The following GRID1 variants were observed in gnomAD, a reference collection of about 807,000 sequenced individuals.
GRID1 encodes glutamate ionotropic receptor delta type subunit 1.
Under a neutral mutation model 98.0 loss-of-function variants are expected in GRID1, and 28 were observed. The ratio of observed to expected loss-of-function variants is 0.29; its 90% CI spans 0.21 to 0.39. The LOEUF (loss-of-function observed/expected upper bound fraction) is 0.39. Among genes scored for constraint, GRID1 ranks in the 10% least tolerant of loss-of-function variants. GRID1 has a pLI of 1.00. For synonymous variants in GRID1, 553 were observed against 538.5 expected, an observed-to-expected ratio of 1.03 and a Z score of -0.37; for missense variants, 1,111 against 1,340.5, an observed-to-expected ratio of 0.83 and a Z score of 2.67.
At chr10:85,736,008 AAGG>A (rs1471226771) in intron 8 of GRID1, among the ~76,000 whole-genome samples, 2 of 133,088 alleles carry the variant, frequency 1.5e-5, no homozygotes, top group African/African-American at 2.8e-5. Flanking sequence ...CAAGGGAAGG[AAGG>A]AGGGAGGGAG....
intron 12 of GRID1, among the ~76,000 whole-genome samples, chr10:85,651,007 C>A (rs1843261669): frequency 6.6e-6 from 1 of 152,136 alleles, no homozygotes. Flanking sequence ...AAATGCAAAT[C>A]CTTGGGCCCC....
At chr10:85,637,278 G>A (rs1843056767) in intron 13 of GRID1, among the ~76,000 whole-genome samples, 2 of 152,122 alleles carry the variant, frequency 1.3e-5, no homozygotes, top group Admixed American at 1.3e-4. Context: ...TTTCTTAATG[G>A]GAACTTATTG....
At chr10:85,838,731 C>A (rs763696874) in intron 8 of GRID1, among the ~76,000 whole-genome samples, 4 of 152,150 alleles carry the variant, frequency 2.6e-5, no homozygotes, top group Non-Finnish European at 5.9e-5. Context: ...TATAAAGCAA[C>A]CACACAAACA....
chr10:85,933,813 C>T (rs1841890513), intron 4 of GRID1, among the ~76,000 whole-genome samples: 1 of 152,178 alleles, frequency 6.6e-6, no homozygotes. Flanking sequence ...CCATCAGTAA[C>T]CTCGGGATTG....
chr10:86,289,500 G>A (rs1021051839), intron 2 of GRID1, among the ~76,000 whole-genome samples: 3 of 151,826 alleles, frequency 2.0e-5, no homozygotes, highest in Non-Finnish European at 2.9e-5. Context: ...GCTGCCTCTC[G>A]GTGGCCCAGC....
chr10:85,850,785 C>T (rs987159494), intron 8 of GRID1, among the ~76,000 whole-genome samples: 1 of 152,198 alleles, frequency 6.6e-6, no homozygotes, highest in Non-Finnish European at 1.5e-5. Context: ...CCCCTCCATC[C>T]AACAATTAGG....
intron 2 of GRID1, among the ~76,000 whole-genome samples, chr10:86,359,467 G>A (rs756425789): frequency 6.6e-5 from 10 of 152,178 alleles, no homozygotes; most frequent in Non-Finnish European, 1.5e-4. Context: ...GCACCAACAA[G>A]CTCTCTGTGT....
At position 85,821,539 on chromosome 10, in the gene GRID1, A is replaced by AC. The variant is rs1554833469; in HGVS notation, c.1233+32956_1233+32957insG. Reference sequence around the variant, plus strand: ...CTCAAAAAAAAAAAAAAAAAAAAAAAAAAAAAGAAAACAGATCAATAGTTG... The same window carrying AC: ...CTCAAAAAAAAAAAAAAAAAAAAAAACAAAAAAGAAAACAGATCAATAGTTG... On this transcript the variant is annotated intron_variant, in intron 8 of 15. Coordinates refer to ENST00000327946, the MANE Select transcript of GRID1 (RefSeq NM_017551.3). Among the ~76,000 whole-genome samples the AC allele has an allele frequency of 5.1e-5, 5 of 97,626 alleles. 1 individual carries two copies. Among genetic ancestry groups the AC allele is most frequent in the African/African-American group, 1.5e-4 (4 of 25,940 alleles). 64.0% of individuals were successfully genotyped at this position (97,626 alleles called of 152,430 possible). A position where few individuals can be genotyped will look rare whatever the true frequency, so the allele number is the denominator to read the frequency against.
intron 4 of GRID1, among the ~76,000 whole-genome samples, chr10:85,945,428 AT>A (rs1334737636): frequency 8.0e-6 from 1 of 125,346 alleles, no homozygotes; most frequent in Non-Finnish European, 1.7e-5. Context: ...ATTTATTTCA[AT>A]ACTTGATTTT....
In GRID1 at chr10:85,901,408, G is replaced by A. The variant is rs540779954; in HGVS notation, c.780+14778C>T. On this transcript the variant is annotated intron_variant, in intron 5 of 15. Coordinates refer to ENST00000327946, the MANE Select transcript of GRID1 (RefSeq NM_017551.3). ...ACTACAGGTGCCCGCCACCATGCCCGGCTAATTGTTTTTGTATTTTTAGTA... is the reference window on the plus strand; with the variant it reads ...ACTACAGGTGCCCGCCACCATGCCCAGCTAATTGTTTTTGTATTTTTAGTA... Among the ~76,000 whole-genome samples, 16 of 151,960 alleles carry A rather than the reference G, an allele frequency of 1.1e-4. No individual in the cohort carries two copies. In the South Asian group the frequency reaches 1.9e-3, roughly 18 times the overall value.
intron 5 of GRID1, among the ~76,000 whole-genome samples, chr10:85,892,031 A>T (rs936352075): frequency 2.0e-5 from 3 of 151,914 alleles, no homozygotes; most frequent in Admixed American, 2.0e-4. Flanking sequence ...AGAGCAAAAC[A>T]TGCATGATAG....
At chr10:85,785,621 C>T (rs1337452516) in intron 8 of GRID1, among the ~76,000 whole-genome samples, 1 of 152,156 alleles carries the variant, frequency 6.6e-6, no homozygotes, top group Non-Finnish European at 1.5e-5. Context: ...TCGCCAAGGA[C>T]AGGCACTGAC....
intron 3 of GRID1, among the ~76,000 whole-genome samples, chr10:86,183,101 T>C (rs969094563): frequency 1.8e-4 from 28 of 152,228 alleles, no homozygotes; most frequent in African/African-American, 6.8e-4. Context: ...TGTGCTTCTT[T>C]GCGGTCTTTC....
intron 4 of GRID1, among the ~76,000 whole-genome samples, chr10:85,928,903 G>A (rs1051897168): frequency 6.6e-6 from 1 of 152,202 alleles, no homozygotes; most frequent in Non-Finnish European, 1.5e-5. Flanking sequence ...TAGCAGACTA[G>A]TACCCTGTTT....
intron 3 of GRID1, among the ~76,000 whole-genome samples, chr10:86,202,035 A>C (rs1316186870): frequency 6.6e-6 from 1 of 152,238 alleles, no homozygotes; most frequent in Non-Finnish European, 1.5e-5. Flanking sequence ...CTTTCAATTA[A>C]AAAATAATTT....
chr10:85,610,491 T>G (rs1842720177), intron 15 of GRID1, among the ~76,000 whole-genome samples: 1 of 152,222 alleles, frequency 6.6e-6, no homozygotes, highest in Non-Finnish European at 1.5e-5. Flanking sequence ...CTATCTCATC[T>G]TTAGTACCAG....
chr10:85,967,047 C>G (rs1212077517), intron 4 of GRID1, among the ~76,000 whole-genome samples: 4 of 152,172 alleles, frequency 2.6e-5, no homozygotes, highest in Non-Finnish European at 4.4e-5. Context: ...CTCACAAGAT[C>G]TGATGGTTTT....
chr10:86,234,788 C>T (rs57370332), intron 2 of GRID1, among the ~76,000 whole-genome samples: 1 of 117,814 alleles, frequency 8.5e-6, no homozygotes, highest in African/African-American at 2.5e-5. Context: ...CATGGTCCAT[C>T]CAGCTCTGGG....
At chr10:85,690,308 TC>T (rs954690781) in intron 12 of GRID1, among the ~76,000 whole-genome samples, 4 of 152,204 alleles carry the variant, frequency 2.6e-5, no homozygotes, top group Non-Finnish European at 4.4e-5. Context: ...GATTAGTATG[TC>T]TTTGCTCTCT....
Sources: allele counts gnomAD v4.1 joint callset (sites outside exome capture counted in the v4.1 genomes callset), GRCh38; gene constraint gnomAD v4.1.1; transcripts MANE v1.5; gene names NCBI Gene and HGNC (gene_info 2026-07-23, HGNC 2026-07-21).